The following LCOR variants were observed in gnomAD, a reference collection of about 807,000 sequenced individuals.
LCOR encodes ligand-dependent corepressor.
Under a neutral mutation model 64.4 loss-of-function variants are expected in LCOR, and 14 were observed. That is an observed-to-expected ratio of 0.22 (90% CI 0.14 to 0.34). LCOR has a LOEUF of 0.34. Ranked by LOEUF, LCOR falls within the 10% of genes least tolerant of loss-of-function variation. The probability of loss-of-function intolerance (pLI) is 1.00; values close to 1 mark genes in which losing one functional copy is unlikely to be tolerated. For synonymous variants in LCOR, 643 were observed against 642.5 expected (o/e 1.00, Z -0.01); for missense variants, 1,686 against 1,765.3 (o/e 0.96, Z 0.80).
chr10:96,922,348 A>G (rs1169873820), intron 4 of LCOR, among the ~76,000 whole-genome samples: 1 of 152,228 alleles, frequency 6.6e-6, no homozygotes, highest in Non-Finnish European at 1.5e-5. Context: ...ATTATTTTCA[A>G]GGAATTTACA....
chr10:96,935,668 A>G (rs1847338311), intron 4 of LCOR, among the ~76,000 whole-genome samples: 1 of 152,112 alleles, frequency 6.6e-6, no homozygotes, highest in Admixed American at 6.5e-5. Flanking sequence ...CTCCTTCTCT[A>G]CAAAATATTT....
chr10:96,921,205 C>A (rs956243009), intron 4 of LCOR, among the ~76,000 whole-genome samples: 1 of 151,976 alleles, frequency 6.6e-6, no homozygotes, highest in Non-Finnish European at 1.5e-5. Flanking sequence ...TTTATTTTTT[C>A]ACTCTGTTGT....
intron 2 of LCOR, among the ~76,000 whole-genome samples, chr10:96,862,636 G>C (rs891188111): frequency 6.6e-6 from 1 of 152,132 alleles, no homozygotes; most frequent in African/African-American, 2.4e-5. Context: ...CCCTTCTCCA[G>C]AGTTTGGAAG....
chr10:96,895,788 C>T (rs1846527079), intron 2 of LCOR, among the ~76,000 whole-genome samples: 1 of 152,240 alleles, frequency 6.6e-6, no homozygotes, highest in Admixed American at 6.5e-5. Context: ...TGTTCCCTCA[C>T]TTCATTGAGT....
At chr10:96,868,145 A>G (rs764984739) in intron 2 of LCOR, among the ~76,000 whole-genome samples, 4 of 152,096 alleles carry the variant, frequency 2.6e-5, no homozygotes, top group Non-Finnish European at 5.9e-5. Flanking sequence ...CGGCCTCCCA[A>G]AGTGCTGGGA....
At chr10:96,870,860 T>C (rs1459962458) in intron 2 of LCOR, among the ~76,000 whole-genome samples, 1 of 152,202 alleles carries the variant, frequency 6.6e-6, no homozygotes, top group East Asian at 1.9e-4. Context: ...CTTTGGACAA[T>C]AGTAGTTTTG....
chr10:96,976,074 A>G (rs879680511), intron 7 of LCOR, among the ~76,000 whole-genome samples: 3 of 152,150 alleles, frequency 2.0e-5, no homozygotes, highest in African/African-American at 4.8e-5. Context: ...AAAGAATGCA[A>G]TCAAACCAGG....
At chr10:96,901,483 A>C (rs1184322395) in intron 2 of LCOR, among the ~76,000 whole-genome samples, 1 of 152,136 alleles carries the variant, frequency 6.6e-6, no homozygotes, top group Non-Finnish European at 1.5e-5. Flanking sequence ...GAGAGTCTAC[A>C]TGTGTAGCTT....
intron 1 of LCOR, 140 bp downstream of exon 1, chr10:96,832,539 A>T (rs1192360134): frequency 2.7e-5 from 2 of 75,264 alleles, no homozygotes; most frequent in Admixed American, 2.1e-4. Context: ...CCCTTCCCCC[A>T]CCCCCCGGAG....
chr10:96,982,701 G>A lies in LCOR; in HGVS notation c.2241G>A (p.Leu747=), dbSNP rs1564646026. The A allele has an allele frequency of 6.2e-7, 1 of 1,614,136 alleles. No individual in the cohort carries two copies. Among genetic ancestry groups the A allele is most frequent in the Non-Finnish European group, 8.5e-7 (1 of 1,180,040 alleles). Residue 747 remains leucine, a synonymous_variant, in exon 8 of 8, where the codon TTG becomes TTA. Coordinates refer to ENST00000421806, the MANE Select transcript of LCOR (RefSeq NM_001346516.2). ...AGGAGCTAAATGTCGACCCACTCTT[G>A]AAGGAAAGCAGCACTTTTACTGATG... ...DTQELNVDPL[L]KESSTFTDEN...
intron 4 of LCOR, among the ~76,000 whole-genome samples, chr10:96,919,869 A>G (rs1426419776): frequency 6.6e-6 from 1 of 152,174 alleles, no homozygotes; most frequent in Non-Finnish European, 1.5e-5. Flanking sequence ...ACTTATGTAT[A>G]TATCCCATTT....
chr10:96,916,064 T>G (rs2134464644), intron 4 of LCOR, among the ~76,000 whole-genome samples: 1 of 152,162 alleles, frequency 6.6e-6, no homozygotes, highest in East Asian at 1.9e-4. Flanking sequence ...CGGAGTCTCG[T>G]TCTGTTGCCC....
intron 2 of LCOR, among the ~76,000 whole-genome samples, chr10:96,867,061 A>ACCGCAACCTCCGTCTCC (rs1183460747): frequency 6.6e-6 from 1 of 151,738 alleles, no homozygotes; most frequent in Non-Finnish European, 1.5e-5. Context: ...ATCTCGGCTC[A>ACCGCAACCTCCGTCTCC]CCGCAACCTC....
Position 96,993,026 on chromosome 10 carries a change from G to T in LCOR, c.*7892G>T, listed in dbSNP as rs1848214362. 1 of 152,254 alleles carries T rather than the reference G, an allele frequency of 6.6e-6. No individual in the cohort carries two copies. Among genetic ancestry groups the T allele is most frequent in the Non-Finnish European group, 1.5e-5 (1 of 68,074 alleles). 9.4% of individuals were successfully genotyped at this position (152,254 alleles called of 1,614,324 possible). ...AGAATGATACCATCTGTTCTAAGAT[G>T]TGGTCAGCTTTACTTCTCAGGAGTC... On this transcript the variant is annotated 3_prime_UTR_variant, in exon 8 of 8. Transcript: ENST00000421806.
chr10:96,924,507 G>T (rs1847134399), intron 4 of LCOR, among the ~76,000 whole-genome samples: 1 of 151,962 alleles, frequency 6.6e-6, no homozygotes, highest in Non-Finnish European at 1.5e-5. Context: ...CTCCCAAAGT[G>T]CTGGGATTAT....
chr10:96,940,303 ATTTTTTTTTT>A (rs552752409), intron 4 of LCOR, among the ~76,000 whole-genome samples: 9 of 65,452 alleles, frequency 1.4e-4, no homozygotes, highest in African/African-American at 4.3e-4. Context: ...GGTGGTCATG[ATTTTTTTTTT>A]TTTTTTTTTT....
chr10:96,935,544 CAG>C (rs144108647), intron 4 of LCOR, among the ~76,000 whole-genome samples: 1,841 of 152,268 alleles, frequency 0.012, 43 homozygotes, highest in African/African-American at 0.041. Context: ...ACTTTACAAA[CAG>C]AATTCCAGCA....
intron 4 of LCOR, among the ~76,000 whole-genome samples, chr10:96,910,677 C>T (rs1183406248): frequency 2.0e-5 from 3 of 152,138 alleles, no homozygotes; most frequent in African/African-American, 7.2e-5. Context: ...AAAGAACTAT[C>T]TGGAGAATAT....
chr10:96,832,734 C>T (rs948114204), intron 1 of LCOR, among the ~76,000 whole-genome samples: 1 of 151,020 alleles, frequency 6.6e-6, no homozygotes, highest in African/African-American at 2.4e-5. Flanking sequence ...CGCTCCAGGC[C>T]CGGCGCCCCG....
Sources: allele counts gnomAD v4.1 joint callset (sites outside exome capture counted in the v4.1 genomes callset), GRCh38; gene constraint gnomAD v4.1.1; transcripts MANE v1.5; gene names NCBI Gene and HGNC (gene_info 2026-07-23, HGNC 2026-07-21).